Variants in GPC5 observed in about 807,000 individuals in gnomAD.
GPC5 encodes glypican-5.
GPC5 carries 47 observed loss-of-function variants against 53.9 expected under a neutral mutation model. The observed-to-expected ratio is 0.87, with a 90% CI of 0.69 to 1.11. GPC5 has a LOEUF of 1.11. Among genes scored for constraint, GPC5 ranks in the 50% most tolerant of loss-of-function variants. The pLI is 0.00. For missense variants in GPC5, 748 were observed against 713.1 expected (o/e 1.05, Z -0.56); for synonymous variants, 286 against 263.3 (o/e 1.09, Z -0.84).
At chr13:92,831,623 A>G (rs1279441441) in intron 7 of GPC5, among the ~76,000 whole-genome samples, 2 of 152,194 alleles carry the variant, frequency 1.3e-5, no homozygotes, top group Admixed American at 1.3e-4. Flanking sequence ...GCAAGAAACA[A>G]AAAGCATTAG....
chr13:92,163,122 T>C (rs888593763), intron 7 of GPC5, among the ~76,000 whole-genome samples: 3 of 152,082 alleles, frequency 2.0e-5, no homozygotes, highest in Non-Finnish European at 2.9e-5. Context: ...TCATAGGGAA[T>C]ATAATAAGAT....
chr13:91,717,645 C>T (rs1445176552), intron 3 of GPC5, among the ~76,000 whole-genome samples: 1 of 152,050 alleles, frequency 6.6e-6, no homozygotes, highest in African/African-American at 2.4e-5. Context: ...CAACCTCCAC[C>T]TCCGGGATTC....
intron 7 of GPC5, among the ~76,000 whole-genome samples, chr13:92,696,515 A>G (rs1003933791): frequency 1.3e-5 from 2 of 152,196 alleles, no homozygotes; most frequent in African/African-American, 4.8e-5. Flanking sequence ...GCATCTGTTC[A>G]TAGCCTTCGC....
intron 7 of GPC5, among the ~76,000 whole-genome samples, chr13:92,333,348 C>G (rs547576798): frequency 8.5e-5 from 13 of 152,134 alleles, no homozygotes; most frequent in Non-Finnish European, 1.5e-4. Context: ...AACTCTTTAA[C>G]CAGAGCTTAT....
intron 6 of GPC5, among the ~76,000 whole-genome samples, chr13:91,978,087 C>T (rs2040323673): frequency 6.6e-6 from 1 of 152,008 alleles, no homozygotes; most frequent in African/African-American, 2.4e-5. Context: ...CCCAGGAGGT[C>T]GAGGCTGCAG....
At chr13:91,695,176 G>A (rs1312356100) in intron 3 of GPC5, among the ~76,000 whole-genome samples, 6 of 151,964 alleles carry the variant, frequency 3.9e-5, no homozygotes, top group African/African-American at 7.3e-5. Context: ...CAATTAACCG[G>A]GTTCTCAACT....
chr13:91,883,536 A>C (rs1356635829), intron 5 of GPC5, among the ~76,000 whole-genome samples: 18 of 152,222 alleles, frequency 1.2e-4, no homozygotes. Context: ...AAAAAAGAGC[A>C]TTCCAAAGAG....
chr13:92,070,955 T>C (rs761123643), intron 6 of GPC5, among the ~76,000 whole-genome samples: 20 of 152,178 alleles, frequency 1.3e-4, no homozygotes, highest in Non-Finnish European at 2.8e-4. Flanking sequence ...TGAAATCTGT[T>C]GGCCAGGAGT....
intron 1 of GPC5, among the ~76,000 whole-genome samples, chr13:91,409,720 A>G (rs762514211): frequency 4.6e-5 from 7 of 151,796 alleles, no homozygotes; most frequent in Non-Finnish European, 8.8e-5. Context: ...CCCGACTTTC[A>G]TATTAGATTC....
intron 7 of GPC5, among the ~76,000 whole-genome samples, chr13:92,827,242 G>A (rs1292800467): frequency 2.6e-5 from 4 of 152,036 alleles, no homozygotes; most frequent in African/African-American, 9.7e-5. Flanking sequence ...TTCAGAGTAG[G>A]ATTTTGCATC....
chr13:92,490,816 G>A (rs1171042933), intron 7 of GPC5, among the ~76,000 whole-genome samples: 1 of 152,028 alleles, frequency 6.6e-6, no homozygotes, highest in Admixed American at 6.6e-5. Context: ...GATATATTGG[G>A]TTGAACCTAT....
chr13:92,618,305 G>C (rs1043509392), intron 7 of GPC5, among the ~76,000 whole-genome samples: 6 of 151,962 alleles, frequency 3.9e-5, no homozygotes, highest in Non-Finnish European at 8.8e-5. Flanking sequence ...TCTGATCACT[G>C]ACAATATGAC....
chr13:91,843,559 A>G (rs2038813867), intron 5 of GPC5, among the ~76,000 whole-genome samples: 1 of 152,198 alleles, frequency 6.6e-6, no homozygotes, highest in South Asian at 2.1e-4. Flanking sequence ...TCACCTTGTA[A>G]TAGTCTTCAG....
At chr13:92,467,078 C>T (rs1878721355) in intron 7 of GPC5, among the ~76,000 whole-genome samples, 1 of 152,152 alleles carries the variant, frequency 6.6e-6, no homozygotes, top group Admixed American at 6.6e-5. Flanking sequence ...CTTTCAGTTT[C>T]CATCTGTCAA....
chr13:92,820,171 A>C (rs1251666723), intron 7 of GPC5, among the ~76,000 whole-genome samples: 2 of 152,080 alleles, frequency 1.3e-5, no homozygotes, highest in Non-Finnish European at 2.9e-5. Context: ...AGAACCACAA[A>C]ACACAATTTA....
chr13:92,343,610 ATGCC>A (rs1238991121), intron 7 of GPC5, among the ~76,000 whole-genome samples: 1 of 152,128 alleles, frequency 6.6e-6, no homozygotes, highest in Non-Finnish European at 1.5e-5. Context: ...ATTTATAATA[ATGCC>A]TTATATTTTT....
chr13:92,753,537 A>G (rs1442083115), intron 7 of GPC5, among the ~76,000 whole-genome samples: 1 of 152,172 alleles, frequency 6.6e-6, no homozygotes, highest in Admixed American at 6.5e-5. Context: ...ACTCTGAGCT[A>G]TGGGAGGACA....
At chr13:92,088,823 G>A (rs1476529746) in intron 6 of GPC5, among the ~76,000 whole-genome samples, 1 of 152,172 alleles carries the variant, frequency 6.6e-6, no homozygotes, top group East Asian at 1.9e-4. Context: ...AGGCTTCAAA[G>A]TGACCTTTAA....
chr13:91,518,887 G>C (rs775448133), intron 2 of GPC5, among the ~76,000 whole-genome samples: 10 of 152,122 alleles, frequency 6.6e-5, no homozygotes, highest in Admixed American at 3.3e-4. Flanking sequence ...GTAGTAGTCA[G>C]GCTAAACAAT....
Sources: gnomAD v4.1 joint callset for allele counts (sites outside exome capture counted in the v4.1 genomes callset) on GRCh38, gnomAD v4.1.1 for gene constraint, MANE v1.5 for transcripts, NCBI Gene and HGNC (gene_info 2026-07-23, HGNC 2026-07-21) for gene names.